CACNA2D3: variants seen among roughly 807,000 people sequenced by gnomAD.
The protein encoded by CACNA2D3 is calcium voltage-gated channel auxiliary subunit alpha2delta 3.
CACNA2D3 carries 60 observed loss-of-function variants against 160.6 expected under a neutral mutation model. The observed-to-expected ratio is 0.37, with a 90% CI of 0.30 to 0.46. CACNA2D3 has a LOEUF of 0.46. CACNA2D3 is among the 20% of genes least tolerant of loss of function. The probability of loss-of-function intolerance (pLI) is 1.00; values close to 1 mark genes in which losing one functional copy is unlikely to be tolerated. For synonymous variants in CACNA2D3, 558 were observed against 492.9 expected (o/e 1.13, Z -1.75); for missense variants, 1,205 against 1,365.0 (o/e 0.88, Z 1.85).
chr3:54,524,125 T>C (rs1701688920), intron 5 of CACNA2D3, among the ~76,000 whole-genome samples: 1 of 152,130 alleles, frequency 6.6e-6, no homozygotes, highest in Admixed American at 6.5e-5. Context: ...TCTTTCTTAA[T>C]AGAGGCATTT....
rs928603410 is a variant in CACNA2D3, at chr3:54,405,872, A to G, written c.381+19098A>G. 1.1e-4 allele frequency among the ~76,000 whole-genome samples: 16 copies of G among 152,066 alleles called. 1 individual carries two copies. Among genetic ancestry groups the G allele is most frequent in the Admixed American group, 9.2e-4 (14 of 15,262 alleles). Reference sequence around the variant, plus strand: ...CAATAGCAAAAAAAAAAATGACCCAATTAGCAATGTGCAAAGGACATTAGT... The same window carrying G: ...CAATAGCAAAAAAAAAAATGACCCAGTTAGCAATGTGCAAAGGACATTAGT... On this transcript the variant is annotated intron_variant, in intron 4 of 37. Transcript: ENST00000474759.
chr3:54,243,513 AAC>A (rs1203788071), intron 2 of CACNA2D3, among the ~76,000 whole-genome samples: 1 of 152,218 alleles, frequency 6.6e-6, no homozygotes, highest in Non-Finnish European at 1.5e-5. Flanking sequence ...ATGTGTCTTT[AAC>A]TTTGCAGCAC....
At chr3:54,744,889 TG>T (rs1701723745) in intron 11 of CACNA2D3, among the ~76,000 whole-genome samples, 1 of 152,204 alleles carries the variant, frequency 6.6e-6, no homozygotes. Flanking sequence ...ATCCCCATGT[TG>T]GGGGAGGTGC....
intron 11 of CACNA2D3, among the ~76,000 whole-genome samples, chr3:54,706,256 C>T (rs1301943540): frequency 6.6e-6 from 1 of 152,192 alleles, no homozygotes; most frequent in Non-Finnish European, 1.5e-5. Flanking sequence ...GGCCATGCAT[C>T]CTGTTCTCTT....
At chr3:54,224,623 T>C (rs1229748640) in intron 2 of CACNA2D3, among the ~76,000 whole-genome samples, 1 of 152,240 alleles carries the variant, frequency 6.6e-6, no homozygotes, top group Non-Finnish European at 1.5e-5. Flanking sequence ...TGACTGTATA[T>C]GAATATTTCA....
intron 2 of CACNA2D3, among the ~76,000 whole-genome samples, chr3:54,299,013 C>A (rs910489219): frequency 2.1e-5 from 3 of 144,892 alleles, no homozygotes; most frequent in Non-Finnish European, 4.5e-5. Flanking sequence ...GCTTTGAAAT[C>A]TTCCATTTGG....
intron 2 of CACNA2D3, among the ~76,000 whole-genome samples, chr3:54,275,275 T>A (rs1702710829): frequency 1.3e-5 from 2 of 152,196 alleles, no homozygotes; most frequent in Non-Finnish European, 2.9e-5. Context: ...AGTCGTCTCA[T>A]GCCTTCAGGT....
At chr3:54,343,568 A>C (rs987449986) in intron 3 of CACNA2D3, among the ~76,000 whole-genome samples, 1 of 152,108 alleles carries the variant, frequency 6.6e-6, no homozygotes, top group Non-Finnish European at 1.5e-5. Flanking sequence ...ACAGGCATGC[A>C]CCACCACACC....
intron 4 of CACNA2D3, among the ~76,000 whole-genome samples, chr3:54,478,660 G>GTGTATATATATATATATATATATATTGC: frequency 5.5e-5 from 2 of 36,376 alleles, no homozygotes; most frequent in African/African-American, 7.2e-5. Context: ...ATATGTGTGT[G>GTGTATATATATATATATATATATATTGC]TATATATATA....
At chr3:54,363,153 C>T (rs1273763765) in intron 3 of CACNA2D3, among the ~76,000 whole-genome samples, 1 of 151,968 alleles carries the variant, frequency 6.6e-6, no homozygotes, top group Non-Finnish European at 1.5e-5. Context: ...CGAGATTGCG[C>T]CACTGCACTC....
At chr3:54,792,512 C>G (rs1011145475) in intron 13 of CACNA2D3, among the ~76,000 whole-genome samples, 2 of 152,154 alleles carry the variant, frequency 1.3e-5, no homozygotes, top group Non-Finnish European at 2.9e-5. Context: ...GTGGCTAGCT[C>G]TAGGTGGCCA....
At chr3:54,878,871 G>A in intron 18 of CACNA2D3, 147 bp from the exon 19 acceptor site, 1 of 527,664 alleles carries the variant, frequency 1.9e-6, no homozygotes, top group Non-Finnish European at 3.4e-6. Context: ...CATTGTACAT[G>A]AGCAGTTGGG....
At chr3:54,914,887 T>C (rs1700628523) in intron 27 of CACNA2D3, among the ~76,000 whole-genome samples, 1 of 152,220 alleles carries the variant, frequency 6.6e-6, no homozygotes, top group Admixed American at 6.5e-5. Context: ...TGACCTGCAA[T>C]AGAAAGTTAT....
intron 11 of CACNA2D3, among the ~76,000 whole-genome samples, chr3:54,662,533 TC>T (rs1699991424): frequency 6.6e-6 from 1 of 152,208 alleles, no homozygotes; most frequent in South Asian, 2.1e-4. Context: ...TCCCTGTTTC[TC>T]TGCTGTTGGT....
At chr3:55,046,086 C>A (rs1243479540) in intron 35 of CACNA2D3, among the ~76,000 whole-genome samples, 1 of 145,538 alleles carries the variant, frequency 6.9e-6, no homozygotes, top group African/African-American at 2.6e-5. Flanking sequence ...TTTTATGTTA[C>A]ACTTTTTTTT....
intron 5 of CACNA2D3, among the ~76,000 whole-genome samples, chr3:54,506,846 A>G (rs374705889): frequency 6.6e-6 from 1 of 152,174 alleles, no homozygotes; most frequent in Admixed American, 6.5e-5. Context: ...CATATCCTCT[A>G]TGAGTAAAGC....
intron 3 of CACNA2D3, among the ~76,000 whole-genome samples, chr3:54,361,765 C>T (rs967304010): frequency 5.9e-4 from 90 of 152,136 alleles, no homozygotes; most frequent in Non-Finnish European, 7.4e-5. Context: ...GCCTTACCAG[C>T]CTCCTAGGCT....
chr3:54,766,263 AG>A (rs1318566204), intron 13 of CACNA2D3, among the ~76,000 whole-genome samples: 1 of 152,236 alleles, frequency 6.6e-6, no homozygotes, highest in Admixed American at 6.5e-5. Context: ...CAATATACAA[AG>A]AACTTTTTAA....
chr3:54,335,745 C>T (rs1704361016), intron 3 of CACNA2D3, among the ~76,000 whole-genome samples: 1 of 152,108 alleles, frequency 6.6e-6, no homozygotes, highest in Admixed American at 6.5e-5. Flanking sequence ...TGGCTCATGC[C>T]TGTAATCCCA....
Sources: allele counts gnomAD v4.1 joint callset (sites outside exome capture counted in the v4.1 genomes callset), GRCh38; gene constraint gnomAD v4.1.1; transcripts MANE v1.5; gene names NCBI Gene and HGNC (gene_info 2026-07-23, HGNC 2026-07-21).